The following ATL1 variants were observed in gnomAD, a reference collection of about 807,000 sequenced individuals.
ATL1 encodes atlastin GTPase 1.
Under a neutral mutation model 75.5 loss-of-function variants are expected in ATL1, and 31 were observed. The ratio of observed to expected loss-of-function variants is 0.41; its 90% CI spans 0.31 to 0.55. ATL1 has a LOEUF of 0.55. ATL1 is among the 20% of genes least tolerant of loss of function. The pLI, the probability that ATL1 is intolerant of heterozygous loss-of-function variation, is 0.27. For synonymous variants in ATL1, 226 were observed against 233.3 expected (o/e 0.97, Z 0.28); for missense variants, 405 against 662.6 (o/e 0.61, Z 4.27).
At chr14:50,558,500 A>G (rs1308788909), upstream of ATL1, among the ~76,000 whole-genome samples, 1 of 152,262 alleles carries the variant, frequency 6.6e-6, no homozygotes, top group Non-Finnish European at 1.5e-5. Context: ...AGTCACATAC[A>G]GAGAGCTATT....
intron 6 of ATL1, 52 bp from the exon 7 acceptor site, chr14:50,613,207 A>G: frequency 7.5e-7 from 1 of 1,333,640 alleles, no homozygotes. Flanking sequence ...CATATAAAGC[A>G]AAGGGAGGCA....
rs1045629233 is a variant in ATL1 at position 50,587,720 on chromosome 14, T to C, written c.35-111T>C. 2.0e-5 allele frequency: 29 copies of C among 1,452,270 alleles called. No individual in the cohort carries two copies. The Middle Eastern group carries it at 6.2e-4, about 31-fold the overall frequency. 90.0% of individuals were successfully genotyped at this position (1,452,270 alleles called of 1,614,324 possible). A position where few individuals can be genotyped will look rare whatever the true frequency, so the allele number is the denominator to read the frequency against. On this transcript the variant is annotated intron_variant, in intron 1 of 13. Coordinates refer to ENST00000358385, the MANE Select transcript of ATL1 (RefSeq NM_015915.5). ...CACTGCACCCAGCATAAAATGAGCA[T>C]TTATAATTCCAGTATGCTCCTGTGT...
At chr14:50,614,720 C>CA (rs1169465395) in intron 8 of ATL1, among the ~76,000 whole-genome samples, 3 of 152,098 alleles carry the variant, frequency 2.0e-5, no homozygotes, top group Non-Finnish European at 4.4e-5. Context: ...ACACTGCCTG[C>CA]AAAAATAGGC....
chr14:50,555,025 G>A (rs891952077), intron 1 of ATL1, among the ~76,000 whole-genome samples: 2 of 152,160 alleles, frequency 1.3e-5, no homozygotes, highest in African/African-American at 4.8e-5. Flanking sequence ...TTACATATAC[G>A]GTATATTTAT....
At chr14:50,631,490 G>A (rs1024764912) in intron 13 of ATL1, among the ~76,000 whole-genome samples, 1 of 152,036 alleles carries the variant, frequency 6.6e-6, no homozygotes, top group Non-Finnish European at 1.5e-5. Context: ...TCAGAGGAGG[G>A]GATGAAATCT....
At chr14:50,566,278 G>A (rs1045188466) in intron 1 of ATL1, among the ~76,000 whole-genome samples, 6 of 152,030 alleles carry the variant, frequency 3.9e-5, no homozygotes, top group African/African-American at 1.2e-4. Context: ...GATTACAGGC[G>A]TGAGCCACTG....
chr14:50,558,352 G>C (rs1438260600), upstream of ATL1, among the ~76,000 whole-genome samples: 2 of 152,206 alleles, frequency 1.3e-5, no homozygotes, highest in African/African-American at 4.8e-5. Context: ...GAGGGAGACT[G>C]TGTCTGGAAA....
At chr14:50,584,582 A>G (rs923652944) in intron 1 of ATL1, among the ~76,000 whole-genome samples, 5 of 151,812 alleles carry the variant, frequency 3.3e-5, no homozygotes, top group African/African-American at 4.8e-5. Context: ...GGTGGCGGGC[A>G]CCTGTAGTCC....
chr14:50,537,249 C>G (rs553555661), intron 1 of ATL1, among the ~76,000 whole-genome samples: 6 of 152,324 alleles, frequency 3.9e-5, no homozygotes, highest in African/African-American at 1.4e-4. Flanking sequence ...AAGCCTCCAG[C>G]CTTGGCAGCT....
chr14:50,535,804 AT>A (rs1252797913), intron 1 of ATL1, among the ~76,000 whole-genome samples: 2 of 152,178 alleles, frequency 1.3e-5, no homozygotes, highest in Non-Finnish European at 2.9e-5. Context: ...TGTTACTGAT[AT>A]GGTTTGTCTG....
At chr14:50,580,124 CTA>C (rs959483150) in intron 1 of ATL1, among the ~76,000 whole-genome samples, 96 of 152,264 alleles carry the variant, frequency 6.3e-4, no homozygotes, top group African/African-American at 2.0e-3. Flanking sequence ...ATAATTTTCT[CTA>C]TGTCTTTAGA....
chr14:50,612,289 T>A (rs1472381696), intron 6 of ATL1, among the ~76,000 whole-genome samples: 2 of 152,104 alleles, frequency 1.3e-5, no homozygotes, highest in Non-Finnish European at 2.9e-5. Flanking sequence ...GAGGGGCTTA[T>A]GGAGTGCTGG....
chr14:50,595,017 AAAG>A (rs1401033894), intron 5 of ATL1, among the ~76,000 whole-genome samples: 5 of 151,696 alleles, frequency 3.3e-5, no homozygotes, highest in Non-Finnish European at 7.4e-5. Flanking sequence ...AAAAAACAAA[AAAG>A]AAAAAAAAAA....
intron 1 of ATL1, chr14:50,571,843 A>T (rs184138346): frequency 2.6e-4 from 45 of 174,444 alleles, no homozygotes; most frequent in African/African-American, 9.0e-4. Context: ...TAATTTTTAC[A>T]TAATTTTTAC....
Position 50,613,344 on chromosome 14 carries a change from G to A in ATL1, c.716G>A (p.Arg239His), listed in dbSNP as rs1241621325. Reference protein sequence around the residue: ...ADGGAKFLEKRLKVSGNQHEE... With the variant: ...ADGGAKFLEKHLKVSGNQHEE... ...GGTGGTGCCAAATTCTTGGAAAAAC[G>A]CCTCAAGGTTTGTTAGATATTTAGG... The change falls in exon 7 of 14, where the codon CGC becomes CAC. Residue 239 changes from arginine (R) to histidine (H), a missense_variant. Physicochemically the swap from Arg to His is conservative, Grantham distance 29 (BLOSUM62 0). This residue lies in a region of ATL1 where 59 missense variants were observed against 161.4 expected (regional missense o/e 0.37). Coordinates refer to ENST00000358385, the MANE Select transcript of ATL1 (RefSeq NM_015915.5). 5 of 1,611,912 alleles carry A rather than the reference G, an allele frequency of 3.1e-6. No homozygotes were observed. The highest frequency in any genetic ancestry group is 1.3e-5 in the African/African-American group (1 of 74,884).
chr14:50,567,632 TTC>T (rs1228064104), intron 1 of ATL1, among the ~76,000 whole-genome samples: 2 of 152,252 alleles, frequency 1.3e-5, no homozygotes, highest in African/African-American at 4.8e-5. Flanking sequence ...ACTTGTTATG[TTC>T]TGTTTTTTAA....
At chr14:50,590,811 C>G (rs2039148596) in intron 2 of ATL1, 130 bp from the exon 3 acceptor site, 3 of 877,652 alleles carry the variant, frequency 3.4e-6, no homozygotes, top group Non-Finnish European at 5.4e-6. Flanking sequence ...GTGATGGTAT[C>G]AATGCAATAG....
At chr14:50,604,327 G>T (rs2039297298) in intron 6 of ATL1, among the ~76,000 whole-genome samples, 1 of 151,960 alleles carries the variant, frequency 6.6e-6, no homozygotes, top group Non-Finnish European at 1.5e-5. Context: ...GTATTTTATT[G>T]TCTTACATTT....
Position 50,627,984 on chromosome 14 carries a change from A to C in ATL1, c.1120-47A>C, listed in dbSNP as rs17122704. 2.3e-3 allele frequency: 3,661 copies of C among 1,602,632 alleles called. 65 individuals are homozygous for C. In the African/African-American group the frequency reaches 0.043, roughly 19 times the overall value. ...AGTGAAAAATTTTGATACAGTTGCCAATTTTACTCTGCATTGCATAAACAA... is the reference window on the plus strand; with the variant it reads ...AGTGAAAAATTTTGATACAGTTGCCCATTTTACTCTGCATTGCATAAACAA... On this transcript the variant is annotated intron_variant, in intron 11 of 13. Coordinates refer to ENST00000358385, the MANE Select transcript of ATL1 (RefSeq NM_015915.5).
Sources: gnomAD v4.1 joint callset for allele counts (sites outside exome capture counted in the v4.1 genomes callset) on GRCh38, gnomAD v4.1.1 for gene constraint, gnomAD v4.1.1 regional missense constraint, MANE v1.5 for transcripts, NCBI Gene and HGNC (gene_info 2026-07-23, HGNC 2026-07-21) for gene names.